The following STK3 variants were observed in gnomAD, a reference collection of about 807,000 sequenced individuals.
STK3 encodes serine/threonine kinase 3.
STK3 carries 41 observed loss-of-function variants against 58.0 expected under a neutral mutation model. That is an observed-to-expected ratio of 0.71 (90% CI 0.55 to 0.92). The LOEUF is 0.92. Among genes scored for constraint, STK3 ranks in the 40% least tolerant of loss-of-function variants. The pLI, the probability that STK3 is intolerant of heterozygous loss-of-function variation, is 0.00. For synonymous variants in STK3, 170 were observed against 191.0 expected (o/e 0.89, Z 0.91); for missense variants, 479 against 602.7 (o/e 0.79, Z 2.15).
chr8:98,939,345 C>T (rs370576303), intron 1 of STK3, among the ~76,000 whole-genome samples: 26 of 151,604 alleles, frequency 1.7e-4, no homozygotes, highest in Middle Eastern at 3.4e-3. Context: ...ACCTGGAGGG[C>T]TTGCTCAAAC....
chr8:98,888,031 A>G (rs1281641840), intron 1 of STK3, among the ~76,000 whole-genome samples: 1 of 152,112 alleles, frequency 6.6e-6, no homozygotes, highest in Non-Finnish European at 1.5e-5. Context: ...AGTCTGAACT[A>G]TTGGGGGCCA....
intron 6 of STK3, among the ~76,000 whole-genome samples, chr8:98,681,446 T>C (rs1271051630): frequency 1.3e-5 from 2 of 151,940 alleles, no homozygotes; most frequent in Admixed American, 6.6e-5. Context: ...TAAAAAAAAA[T>C]AAAAATATAA....
chr8:98,564,753 A>G (rs1425472611), intron 8 of STK3, among the ~76,000 whole-genome samples: 1 of 152,156 alleles, frequency 6.6e-6, no homozygotes, highest in Non-Finnish European at 1.5e-5. Context: ...TAATCGTTAT[A>G]TATCAATTTT....
At chr8:98,358,258 A>AG in the STK3 span, among the ~76,000 whole-genome samples, 1 of 152,222 alleles carries the variant, frequency 6.6e-6, no homozygotes, top group Admixed American at 6.5e-5. Context: ...AAGGTGCAGC[A>AG]GAACTTCCCA....
intron 1 of STK3, among the ~76,000 whole-genome samples, chr8:98,889,437 G>A (rs1838115327): frequency 6.6e-6 from 1 of 152,160 alleles, no homozygotes; most frequent in Non-Finnish European, 1.5e-5. Context: ...ATTTCCCAAA[G>A]TTCTCTTTGC....
chr8:98,682,152 A>C (rs1049040823), intron 6 of STK3, among the ~76,000 whole-genome samples: 2 of 152,264 alleles, frequency 1.3e-5, no homozygotes, highest in Admixed American at 6.5e-5. Flanking sequence ...ATGTTCAAGA[A>C]GCTTGTGAAG....
At chr8:98,784,624 T>C (rs1832339205) in intron 1 of STK3, among the ~76,000 whole-genome samples, 1 of 151,978 alleles carries the variant, frequency 6.6e-6, no homozygotes, top group South Asian at 2.1e-4. Context: ...CTGCTCCACA[T>C]GCAGGCAGAT....
intron 1 of STK3, among the ~76,000 whole-genome samples, chr8:98,903,556 C>CTTCTTCCTCTTCTT (rs200556218): frequency 5.9e-5 from 3 of 50,518 alleles, no homozygotes; most frequent in African/African-American, 2.0e-4. Context: ...TCTTCTTCTT[C>CTTCTTCCTCTTCTT]CTTTTTTTTT....
chr8:98,377,361 A>G (rs537332300), intron 2 of STK3, among the ~76,000 whole-genome samples: 1 of 152,162 alleles, frequency 6.6e-6, no homozygotes, highest in East Asian at 1.9e-4. Flanking sequence ...TATTTTATGC[A>G]TGGAAGTTTT....
intron 6 of STK3, among the ~76,000 whole-genome samples, chr8:98,599,899 T>G (rs981872792): frequency 3.3e-5 from 5 of 151,832 alleles, no homozygotes; most frequent in African/African-American, 1.2e-4. Context: ...ACCTGGGAGA[T>G]GGAGGTTACA....
chr8:98,403,475 A>T (rs537481756), intron 3 of STK3, among the ~76,000 whole-genome samples: 1 of 152,322 alleles, frequency 6.6e-6, no homozygotes, highest in East Asian at 1.9e-4. Context: ...CCAGTGACAA[A>T]ACAGAAGTTT....
At chr8:98,598,388 T>C (rs1194373484) in intron 6 of STK3, 14 of 985,228 alleles carry the variant, frequency 1.4e-5, no homozygotes, top group Non-Finnish European at 1.7e-5. Context: ...CAAATATGCA[T>C]TGAACAAGCA....
intron 1 of STK3, among the ~76,000 whole-genome samples, chr8:98,894,482 T>C (rs1360829991): frequency 3.3e-5 from 5 of 152,224 alleles, no homozygotes; most frequent in African/African-American, 1.2e-4. Context: ...CCTTGACTAC[T>C]CCATTTAAAA....
chr8:98,921,262 CA>C lies in STK3; in HGVS notation c.-79+21115del, dbSNP rs201790361. ...CAGGGTCTGGCTCAGACAAAACCTT[CA>C]AAAAAAAAAAAAACATAAAACTCTA... is the stretch of plus-strand genomic sequence containing the variant. On this transcript the variant is annotated intron_variant, in intron 1 of 1. Transcript: ENST00000519420. 5.0e-3 allele frequency: 621 copies of C among 124,494 alleles called. 2 individuals are homozygous for C. Among genetic ancestry groups the C allele is most frequent in the African/African-American group, 0.011 (384 of 35,170 alleles). The allele number at this position is 124,494 out of a possible 1,614,324, so 7.7% of individuals were successfully genotyped here. A position where few individuals can be genotyped will look rare whatever the true frequency, so the allele number is the denominator to read the frequency against.
At chr8:98,799,996 G>C (rs1162536022) in intron 1 of STK3, among the ~76,000 whole-genome samples, 3 of 152,166 alleles carry the variant, frequency 2.0e-5, no homozygotes, top group Admixed American at 2.0e-4. Context: ...GATAGTACAA[G>C]ATGCCACCCA....
intron 10 of STK3, among the ~76,000 whole-genome samples, chr8:98,504,259 C>A (rs1266534878): frequency 6.7e-6 from 1 of 148,822 alleles, no homozygotes; most frequent in African/African-American, 2.5e-5. Context: ...TTCCTCCATC[C>A]TTTTATTTTG....
At chr8:98,891,998 A>G (rs1838218519) in intron 1 of STK3, among the ~76,000 whole-genome samples, 1 of 152,192 alleles carries the variant, frequency 6.6e-6, no homozygotes, top group Admixed American at 6.5e-5. Flanking sequence ...TGCCAGAGCC[A>G]TCCTCAAAGG....
intron 3 of STK3, among the ~76,000 whole-genome samples, chr8:98,851,706 A>G (rs775357195): frequency 2.6e-5 from 4 of 152,198 alleles, no homozygotes; most frequent in Admixed American, 6.5e-5. Flanking sequence ...TATGCCTATA[A>G]TCCCAACACT....
rs1221135611 is a variant in STK3 at position 98,428,075 on chromosome 8, G to A, written n.483+6052C>T. 1 of 1,613,584 alleles carries A rather than the reference G, an allele frequency of 6.2e-7. No homozygotes were observed. The highest frequency in any genetic ancestry group is 2.2e-5 in the East Asian group (1 of 44,850). ...GCGGCTTCAAGAGGAGGCTGCGCTC[G>A]CACACGCTGCTGCGCTTCCCCGAGA... On this transcript the variant is annotated intron_variant and non_coding_transcript_variant, in intron 3 of 3. Coordinates refer to the STK3 transcript ENST00000517832. The surrounding 1 kb of genome is among the most constrained non-coding windows in gnomAD (Gnocchi z 6.7).
Sources: allele counts gnomAD v4.1 joint callset (sites outside exome capture counted in the v4.1 genomes callset), GRCh38; gene constraint gnomAD v4.1.1; non-coding constraint Gnocchi (gnomAD v3.1); transcripts MANE v1.5; gene names NCBI Gene and HGNC (gene_info 2026-07-23, HGNC 2026-07-21).